The following CCDC181 variants were observed in gnomAD, a reference collection of about 807,000 sequenced individuals.
CCDC181 encodes the protein coiled-coil domain-containing protein 181.
Under a neutral mutation model 58.7 loss-of-function variants are expected in CCDC181, and 35 were observed. The observed-to-expected ratio is 0.60, with a 90% CI of 0.46 to 0.79. The LOEUF (loss-of-function observed/expected upper bound fraction) is 0.79, where lower values mean the gene tolerates loss of function less well. CCDC181 is among the 30% of genes least tolerant of loss of function. CCDC181 has a pLI of 0.00. For synonymous variants in CCDC181, 183 were observed against 197.5 expected (o/e 0.93, Z 0.62); for missense variants, 517 against 583.9 (o/e 0.89, Z 1.18).
chr1:169,409,969 T>G (rs1024968664), intron 4 of CCDC181, among the ~76,000 whole-genome samples: 4 of 152,146 alleles, frequency 2.6e-5, no homozygotes, highest in Admixed American at 6.5e-5. Flanking sequence ...ATGAAGAAAC[T>G]GCATCAACTA....
intron 2 of CCDC181, among the ~76,000 whole-genome samples, chr1:169,440,793 G>T (rs1220151512): frequency 6.6e-6 from 1 of 151,902 alleles, no homozygotes; most frequent in Non-Finnish European, 1.5e-5. Context: ...AAATAGCCAG[G>T]CATGGTGGAG....
At chr1:169,421,254 C>G in intron 3 of CCDC181, 109 bp downstream of exon 3, 1 of 762,428 alleles carries the variant, frequency 1.3e-6, no homozygotes, top group African/African-American at 1.8e-5. Flanking sequence ...ATAAATAAAG[C>G]AATCAAAAAA....
chr1:169,450,035 G>T (rs986326257), intron 2 of CCDC181, among the ~76,000 whole-genome samples: 1 of 152,174 alleles, frequency 6.6e-6, no homozygotes, highest in East Asian at 1.9e-4. Context: ...TGATATGGGG[G>T]TGAAGTATGA....
chr1:169,432,119 A>G (rs1044499334), upstream of CCDC181, among the ~76,000 whole-genome samples: 7 of 152,140 alleles, frequency 4.6e-5, no homozygotes, highest in Non-Finnish European at 1.0e-4. Context: ...AGAAAATAAT[A>G]TATAAACAAA....
At chr1:169,452,113 A>T (rs12028208) in intron 2 of CCDC181, among the ~76,000 whole-genome samples, 12,806 of 152,028 alleles carry the variant, frequency 0.084, 727 homozygotes, top group Admixed American at 0.19. Context: ...GAAGAAAAAA[A>T]AAAAGAGATT....
chr1:169,403,172 G>C (rs1399891313), intron 4 of CCDC181, among the ~76,000 whole-genome samples: 1 of 152,104 alleles, frequency 6.6e-6, no homozygotes, highest in East Asian at 1.9e-4. Context: ...CAAACCCTTA[G>C]AGACCTACAG....
At chr1:169,402,537 T>C (rs1557859771) in intron 4 of CCDC181, among the ~76,000 whole-genome samples, 1 of 152,122 alleles carries the variant, frequency 6.6e-6, no homozygotes, top group Non-Finnish European at 1.5e-5. Context: ...CAACCCAGAA[T>C]TTCATATCCA....
chr1:169,419,114 T>C lies in CCDC181; in HGVS notation c.1114A>G (p.Asn372Asp). The C allele has an allele frequency of 1.9e-6, 3 of 1,610,778 alleles. No homozygotes were observed. The highest frequency in any genetic ancestry group is 3.3e-4 in the Middle Eastern group (2 of 6,050). ...IEEEKEKKRE[N>D]DIVFKAWLQK... ...AACCACGCTTTAAATACTATGTCAT[T>C]CTCTCTCTTTTTTTCTTTCTCTTCT... is the stretch of plus-strand genomic sequence containing the variant. Residue 372 changes from asparagine (N) to aspartate (D), a missense_variant, in exon 4 of 6, where the codon AAT becomes GAT. Transcript: ENST00000367806.
At chr1:169,395,357 T>A in intron 5 of CCDC181, 151 bp from the exon 6 acceptor site, 1 of 647,278 alleles carries the variant, frequency 1.5e-6, no homozygotes, top group African/African-American at 1.9e-5. Flanking sequence ...CTGAAAAATG[T>A]AAAGATTACA....
At chr1:169,402,986 A>G (rs7523660) in intron 4 of CCDC181, among the ~76,000 whole-genome samples, 3 of 148,308 alleles carry the variant, frequency 2.0e-5, no homozygotes, top group East Asian at 4.0e-4. Context: ...AACAAACAAA[A>G]AAAAAAAAAA....
intron 2 of CCDC181, 82 bp from the exon 3 acceptor site, chr1:169,422,395 G>A (rs775663811): frequency 2.3e-5 from 23 of 1,010,874 alleles, no homozygotes; most frequent in Non-Finnish European, 3.2e-5. Context: ...TCCTGTTCAT[G>A]TAATTTATTT....
At chr1:169,418,979 G>A in intron 4 of CCDC181, 34 bp downstream of exon 4, 1 of 1,527,128 alleles carries the variant, frequency 6.5e-7, no homozygotes, top group Non-Finnish European at 9.1e-7. Context: ...TTTCATATCT[G>A]TATGAACTTA....
chr1:169,400,781 A>G (rs1655294849), intron 4 of CCDC181, among the ~76,000 whole-genome samples: 1 of 152,168 alleles, frequency 6.6e-6, no homozygotes, highest in African/African-American at 2.4e-5. Flanking sequence ...TGCATTTCCA[A>G]CTGAGGTACC....
chr1:169,433,370 C>T (rs1656970024), intron 2 of CCDC181, among the ~76,000 whole-genome samples: 1 of 151,830 alleles, frequency 6.6e-6, no homozygotes, highest in African/African-American at 2.4e-5. Flanking sequence ...GTCAGTATTA[C>T]CCAAAGTAGA....
chr1:169,404,002 TA>T, intron 4 of CCDC181, among the ~76,000 whole-genome samples: 1 of 152,118 alleles, frequency 6.6e-6, no homozygotes, highest in Non-Finnish European at 1.5e-5. Flanking sequence ...CCCACAGAAA[TA>T]CAAACTACCA....
chr1:169,448,475 T>A (rs1657441549), intron 2 of CCDC181, among the ~76,000 whole-genome samples: 1 of 152,148 alleles, frequency 6.6e-6, no homozygotes, highest in African/African-American at 2.4e-5. Flanking sequence ...CAGGGCTTTT[T>A]TTTTCTTTTA....
chr1:169,398,163 C>T (rs565082928), intron 4 of CCDC181, among the ~76,000 whole-genome samples: 5 of 152,166 alleles, frequency 3.3e-5, no homozygotes, highest in South Asian at 2.1e-4. Flanking sequence ...AATGTTCAAT[C>T]GGGAGTTATA....
At chr1:169,412,091 C>T (rs543253877) in intron 4 of CCDC181, among the ~76,000 whole-genome samples, 8 of 152,316 alleles carry the variant, frequency 5.3e-5, no homozygotes, top group African/African-American at 1.9e-4. Context: ...GTCAAATTGT[C>T]TCTGTTTGCA....
At chr1:169,416,196 G>A (rs186749445) in intron 4 of CCDC181, among the ~76,000 whole-genome samples, 21 of 152,256 alleles carry the variant, frequency 1.4e-4, no homozygotes, top group South Asian at 4.1e-4. Flanking sequence ...TCTGGGTAGC[G>A]TGCTCATTCA....
Sources: gnomAD v4.1 joint callset for allele counts (sites outside exome capture counted in the v4.1 genomes callset) on GRCh38, gnomAD v4.1.1 for gene constraint, MANE v1.5 for transcripts, NCBI Gene and HGNC (gene_info 2026-07-23, HGNC 2026-07-21) for gene names.